PALLD: variants seen among roughly 807,000 people sequenced by gnomAD.
PALLD encodes the protein palladin.
PALLD carries 61 observed loss-of-function variants against 123.5 expected under a neutral mutation model. The observed-to-expected ratio is 0.49, with a 90% CI of 0.40 to 0.61. The LOEUF is 0.61. Among genes scored for constraint, PALLD ranks in the 20% least tolerant of loss-of-function variants. The pLI is 0.00. For missense variants in PALLD, 1,273 were observed against 1,377.0 expected, an observed-to-expected ratio of 0.92 and a Z score of 1.20; for synonymous variants, 465 against 496.4, an observed-to-expected ratio of 0.94 and a Z score of 0.84.
At chr4:168,793,217 AT>A (rs1737835334) in intron 10 of PALLD, among the ~76,000 whole-genome samples, 1 of 52,666 alleles carries the variant, frequency 1.9e-5, no homozygotes, top group Non-Finnish European at 3.6e-5. Flanking sequence ...ATACATATAT[AT>A]GTGTGCATAT....
intron 2 of PALLD, among the ~76,000 whole-genome samples, chr4:168,651,533 C>T (rs1778039658): frequency 1.3e-5 from 2 of 152,256 alleles, no homozygotes; most frequent in African/African-American, 2.4e-5. Flanking sequence ...AAAAGCCCAG[C>T]CCGACCTTGG....
At chr4:168,626,909 A>T (rs1031438615) in intron 2 of PALLD, among the ~76,000 whole-genome samples, 1 of 152,178 alleles carries the variant, frequency 6.6e-6, no homozygotes, top group Non-Finnish European at 1.5e-5. Context: ...AGTCATATAA[A>T]CATGGAAAAG....
intron 10 of PALLD, among the ~76,000 whole-genome samples, chr4:168,860,450 G>A (rs1478882470): frequency 6.6e-6 from 1 of 152,218 alleles, no homozygotes; most frequent in Non-Finnish European, 1.5e-5. Flanking sequence ...AGAGATGGGA[G>A]TACTCTTCTT....
At chr4:168,549,107 C>T (rs533318301) in intron 2 of PALLD, among the ~76,000 whole-genome samples, 5 of 152,280 alleles carry the variant, frequency 3.3e-5, no homozygotes, top group African/African-American at 9.6e-5. Flanking sequence ...AAAACACCAT[C>T]TGATGATTTA....
intron 2 of PALLD, among the ~76,000 whole-genome samples, chr4:168,603,409 A>G (rs1772867969): frequency 6.6e-6 from 1 of 152,234 alleles, no homozygotes; most frequent in Non-Finnish European, 1.5e-5. Context: ...GTAGACTTGC[A>G]GAAGAGTAAT....
At chr4:168,877,654 G>T (rs1751933173) in intron 10 of PALLD, 1 of 826,270 alleles carries the variant, frequency 1.2e-6, no homozygotes. Flanking sequence ...CACAAGCTGA[G>T]CTCACTCCTG....
intron 2 of PALLD, among the ~76,000 whole-genome samples, chr4:168,539,211 C>T (rs1012733170): frequency 6.6e-6 from 1 of 152,096 alleles, no homozygotes; most frequent in Non-Finnish European, 1.5e-5. Context: ...AGTAACTTTT[C>T]CATAATTTGT....
At chr4:168,645,539 C>T (rs1279635090) in intron 2 of PALLD, among the ~76,000 whole-genome samples, 1 of 152,118 alleles carries the variant, frequency 6.6e-6, no homozygotes, top group Non-Finnish European at 1.5e-5. Context: ...TCCTGTGTGA[C>T]TTTGAGACAT....
chr4:168,922,089 A>ATATATTTATATT (rs1231351664), intron 18 of PALLD, among the ~76,000 whole-genome samples: 2 of 93,500 alleles, frequency 2.1e-5, no homozygotes, highest in African/African-American at 1.2e-4. Flanking sequence ...TTATATTTAT[A>ATATATTTATATT]TATATATATA....
intron 10 of PALLD, among the ~76,000 whole-genome samples, chr4:168,765,409 G>A (rs557702136): frequency 6.6e-6 from 1 of 152,086 alleles, no homozygotes; most frequent in Non-Finnish European, 1.5e-5. Flanking sequence ...CACAAGGGTA[G>A]GAATGTACTG....
At chr4:168,781,406 AC>A (rs781235039) in intron 10 of PALLD, among the ~76,000 whole-genome samples, 53 of 152,334 alleles carry the variant, frequency 3.5e-4, no homozygotes, top group South Asian at 6.2e-4. Context: ...CTGGAGAACC[AC>A]CTTGAGCACT....
intron 5 of PALLD, 132 bp from the exon 6 acceptor site, chr4:168,685,353 A>G: frequency 1.3e-6 from 1 of 748,110 alleles, no homozygotes; most frequent in African/African-American, 1.7e-5. Flanking sequence ...GACGAGCAAA[A>G]TGATGTATGG....
At chr4:168,570,174 T>G (rs1768828251) in intron 2 of PALLD, among the ~76,000 whole-genome samples, 1 of 152,204 alleles carries the variant, frequency 6.6e-6, no homozygotes, top group Admixed American at 6.5e-5. Context: ...TGCAATATGT[T>G]GCGGGGCTTA....
chr4:168,742,829 A>G (rs545037957), intron 10 of PALLD, among the ~76,000 whole-genome samples: 49 of 152,308 alleles, frequency 3.2e-4, no homozygotes, highest in African/African-American at 1.2e-3. Context: ...GCACTAAATA[A>G]GGAAAGAATT....
intron 10 of PALLD, among the ~76,000 whole-genome samples, chr4:168,716,632 A>G (rs2150237063): frequency 6.6e-6 from 1 of 152,300 alleles, no homozygotes; most frequent in East Asian, 1.9e-4. Flanking sequence ...CTCCAGAGAA[A>G]GACATAGCCT....
At chr4:168,672,285 A>G (rs375966779) in intron 3 of PALLD, among the ~76,000 whole-genome samples, 4 of 152,162 alleles carry the variant, frequency 2.6e-5, no homozygotes, top group South Asian at 4.1e-4. Flanking sequence ...TTAAGACCAT[A>G]TAAGGTATTA....
At chr4:168,665,081 C>A (rs1457515247) in intron 2 of PALLD, among the ~76,000 whole-genome samples, 2 of 152,074 alleles carry the variant, frequency 1.3e-5, no homozygotes, top group African/African-American at 2.4e-5. Context: ...GTAGAAAATT[C>A]TTTGATGAAG....
At chr4:168,767,651 G>A (rs566888134) in intron 10 of PALLD, among the ~76,000 whole-genome samples, 44 of 151,178 alleles carry the variant, frequency 2.9e-4, no homozygotes, top group African/African-American at 1.0e-3. Context: ...GGGTTCAAGC[G>A]ATTCTCCTGC....
chr4:168,756,025 ATCTGTAG>A (rs1486824768), intron 10 of PALLD: 1 of 168,786 alleles, frequency 5.9e-6, no homozygotes, highest in East Asian at 1.9e-4. Context: ...CATGCGTGCT[ATCTGTAG>A]TCATGCACAG....
Sources: allele counts gnomAD v4.1 joint callset (sites outside exome capture counted in the v4.1 genomes callset), GRCh38; gene constraint gnomAD v4.1.1; transcripts MANE v1.5; gene names NCBI Gene and HGNC (gene_info 2026-07-23, HGNC 2026-07-21).